Variants in ST6GALNAC3 observed in about 807,000 individuals in gnomAD.
ST6GALNAC3 encodes the protein ST6 N-acetylgalactosaminide alpha-2,6-sialyltransferase 3.
A neutral mutation model predicts 32.7 loss-of-function variants in ST6GALNAC3; 25 were observed. The ratio of observed to expected loss-of-function variants is 0.76; its 90% CI spans 0.56 to 1.07. The LOEUF is 1.07. Ranked by LOEUF, ST6GALNAC3 falls within the 50% of genes least tolerant of loss-of-function variation. The pLI, the probability that ST6GALNAC3 is intolerant of heterozygous loss-of-function variation, is 0.00. For synonymous variants in ST6GALNAC3, 129 were observed against 133.1 expected, an observed-to-expected ratio of 0.97 and a Z score of 0.21; for missense variants, 355 against 382.4, an observed-to-expected ratio of 0.93 and a Z score of 0.60.
At chr1:76,494,293 G>A (rs1163664459) in intron 3 of ST6GALNAC3, among the ~76,000 whole-genome samples, 1 of 150,830 alleles carries the variant, frequency 6.6e-6, no homozygotes, top group Non-Finnish European at 1.5e-5. Flanking sequence ...TATTTTTGTT[G>A]GAGGAACGTT....
At chr1:76,079,152 G>A (rs1646856704) in intron 1 of ST6GALNAC3, among the ~76,000 whole-genome samples, 1 of 152,138 alleles carries the variant, frequency 6.6e-6, no homozygotes, top group Non-Finnish European at 1.5e-5. Context: ...CAGATTCTCT[G>A]TTTTCAGCAG....
At chr1:76,153,364 C>A (rs1651176544) in intron 1 of ST6GALNAC3, among the ~76,000 whole-genome samples, 1 of 152,112 alleles carries the variant, frequency 6.6e-6, no homozygotes, top group Non-Finnish European at 1.5e-5. Context: ...GAAACTCCAT[C>A]TTTTCTTCCC....
chr1:76,099,624 A>G (rs1400061153), intron 1 of ST6GALNAC3, among the ~76,000 whole-genome samples: 1 of 152,176 alleles, frequency 6.6e-6, no homozygotes, highest in Non-Finnish European at 1.5e-5. Flanking sequence ...TAAAAGCCCC[A>G]ACTCTACAGT....
At chr1:76,619,384 G>A (rs1648494222) in intron 3 of ST6GALNAC3, among the ~76,000 whole-genome samples, 1 of 152,090 alleles carries the variant, frequency 6.6e-6, no homozygotes, top group Non-Finnish European at 1.5e-5. Flanking sequence ...GGTGGTAAGT[G>A]GAGATTAGAT....
At chr1:76,398,499 T>C (rs780891799) in intron 2 of ST6GALNAC3, among the ~76,000 whole-genome samples, 41 of 152,320 alleles carry the variant, frequency 2.7e-4, no homozygotes, top group Middle Eastern at 3.4e-3. Flanking sequence ...ACTTAGAGTG[T>C]TATATAAATC....
chr1:76,395,667 G>A lies in ST6GALNAC3; in HGVS notation c.214-16341G>A, dbSNP rs556649013. ...AAAAAAGAATCAGATCCTGCCATTT[G>A]CAGCATCATGAATGGAACTGGGGGT... On this transcript the variant is annotated intron_variant, in intron 2 of 4. Coordinates refer to ENST00000328299, the MANE Select transcript of ST6GALNAC3 (RefSeq NM_152996.4). Among the ~76,000 whole-genome samples the A allele has an allele frequency of 3.2e-4, 49 of 152,222 alleles. 1 individual carries two copies. In the South Asian group the frequency reaches 8.9e-3, roughly 28 times the overall value.
chr1:76,563,139 C>G (rs905340167), intron 3 of ST6GALNAC3, among the ~76,000 whole-genome samples: 1 of 152,174 alleles, frequency 6.6e-6, no homozygotes, highest in Non-Finnish European at 1.5e-5. Context: ...ACTAACACCA[C>G]TAAAGAATAA....
intron 2 of ST6GALNAC3, among the ~76,000 whole-genome samples, chr1:76,402,173 T>G (rs1323032385): frequency 2.0e-5 from 3 of 152,210 alleles, no homozygotes; most frequent in African/African-American, 7.2e-5. Flanking sequence ...CTTTGGGTTT[T>G]CATTTTGAAA....
intron 2 of ST6GALNAC3, among the ~76,000 whole-genome samples, chr1:76,349,272 T>A (rs1161531387): frequency 6.6e-6 from 1 of 152,160 alleles, no homozygotes; most frequent in African/African-American, 2.4e-5. Flanking sequence ...AAAGTGTCCA[T>A]GACTGTTGAA....
chr1:76,600,239 A>G (rs1185170636), intron 3 of ST6GALNAC3, among the ~76,000 whole-genome samples: 1 of 152,188 alleles, frequency 6.6e-6, no homozygotes, highest in African/African-American at 2.4e-5. Flanking sequence ...GGCTCTCACC[A>G]GGACTCAACC....
At chr1:76,578,002 T>A (rs1646836814) in intron 3 of ST6GALNAC3, among the ~76,000 whole-genome samples, 1 of 152,118 alleles carries the variant, frequency 6.6e-6, no homozygotes, top group African/African-American at 2.4e-5. Context: ...GACTTGATAA[T>A]TGTTTAAGCA....
At chr1:76,368,097 GGGCATTTTTTTTTTCTGTGAAGACCAGCT>G (rs1356265739) in intron 2 of ST6GALNAC3, among the ~76,000 whole-genome samples, 1 of 152,036 alleles carries the variant, frequency 6.6e-6, no homozygotes, top group Non-Finnish European at 1.5e-5. Flanking sequence ...AGCCCAGGGT[GGGCATTTTTTTTTTCTGTGAAGACCAGCT>G]GGCAAATATT....
At chr1:76,221,401 C>T (rs1219547426) in intron 1 of ST6GALNAC3, among the ~76,000 whole-genome samples, 3 of 152,126 alleles carry the variant, frequency 2.0e-5, no homozygotes, top group Non-Finnish European at 4.4e-5. Flanking sequence ...TATAATGAAG[C>T]TGTCGTATTC....
At chr1:76,495,442 A>G (rs1358417196) in intron 3 of ST6GALNAC3, among the ~76,000 whole-genome samples, 1 of 152,116 alleles carries the variant, frequency 6.6e-6, no homozygotes, top group Non-Finnish European at 1.5e-5. Context: ...GACTTAGGGT[A>G]ACTAATGGTA....
chr1:76,590,626 T>G (rs1240162494), intron 3 of ST6GALNAC3, among the ~76,000 whole-genome samples: 1 of 152,308 alleles, frequency 6.6e-6, no homozygotes, highest in East Asian at 1.9e-4. Flanking sequence ...TATTTAAAAT[T>G]AATAATTTTC....
intron 2 of ST6GALNAC3, among the ~76,000 whole-genome samples, chr1:76,341,710 T>TTTCTTTCTTTCTTTCTTTCC (rs1648052695): frequency 6.7e-6 from 1 of 150,308 alleles, no homozygotes; most frequent in Non-Finnish European, 1.5e-5. Context: ...TCTTTCCTTC[T>TTTCTTTCTTTCTTTCTTTCC]TTCTTTCTTT....
chr1:76,269,858 T>G (rs1050901807), intron 1 of ST6GALNAC3, among the ~76,000 whole-genome samples: 2 of 152,218 alleles, frequency 1.3e-5, no homozygotes, highest in African/African-American at 4.8e-5. Flanking sequence ...TCTCCCAGAT[T>G]CTAACTGCTC....
chr1:76,188,323 C>T (rs1463410254), intron 1 of ST6GALNAC3, among the ~76,000 whole-genome samples: 1 of 152,114 alleles, frequency 6.6e-6, no homozygotes, highest in Non-Finnish European at 1.5e-5. Flanking sequence ...GATCACACCA[C>T]TGCACTCCAG....
chr1:76,172,360 G>A (rs889309387), intron 1 of ST6GALNAC3, among the ~76,000 whole-genome samples: 3 of 152,134 alleles, frequency 2.0e-5, no homozygotes, highest in African/African-American at 7.2e-5. Context: ...AGCTATTTAT[G>A]ACAAACCCAC....
Sources: gnomAD v4.1 joint callset for allele counts (sites outside exome capture counted in the v4.1 genomes callset) on GRCh38, gnomAD v4.1.1 for gene constraint, MANE v1.5 for transcripts, NCBI Gene and HGNC (gene_info 2026-07-23, HGNC 2026-07-21) for gene names.